Variants in CNTN4 observed in about 807,000 individuals in gnomAD.
CNTN4 encodes contactin-4.
CNTN4 carries 77 observed loss-of-function variants against 122.5 expected under a neutral mutation model. The ratio of observed to expected loss-of-function variants is 0.63; its 90% CI spans 0.52 to 0.76. CNTN4 has a LOEUF of 0.76. CNTN4 is among the 30% of genes least tolerant of loss of function. The pLI is 0.00. For synonymous variants in CNTN4, 512 were observed against 447.0 expected, an observed-to-expected ratio of 1.15 and a Z score of -1.83; for missense variants, 1,256 against 1,259.1, an observed-to-expected ratio of 1.00 and a Z score of 0.04.
intron 2 of CNTN4, among the ~76,000 whole-genome samples, chr3:2,256,002 G>T (rs955436049): frequency 3.9e-5 from 6 of 152,202 alleles, no homozygotes; most frequent in African/African-American, 1.4e-4. Context: ...GAATCCAGGA[G>T]CTGGTTTTTT....
intron 2 of CNTN4, among the ~76,000 whole-genome samples, chr3:2,281,865 G>A (rs533154250): frequency 1.1e-3 from 171 of 152,128 alleles, no homozygotes; most frequent in East Asian, 1.5e-3. Context: ...TAGAAGTTTG[G>A]TATTCGTGAC....
chr3:2,453,040 AT>A (rs1279008865), intron 3 of CNTN4, among the ~76,000 whole-genome samples: 1 of 152,178 alleles, frequency 6.6e-6, no homozygotes, highest in African/African-American at 2.4e-5. Context: ...TCTGAGTGAA[AT>A]AAAATGATAT....
At chr3:2,973,125 C>T (rs751129601) in intron 13 of CNTN4, among the ~76,000 whole-genome samples, 5 of 152,006 alleles carry the variant, frequency 3.3e-5, no homozygotes, top group Admixed American at 6.6e-5. Context: ...AAAGGCTCTT[C>T]GTTGAAATGA....
intron 4 of CNTN4, among the ~76,000 whole-genome samples, chr3:2,678,999 T>C (rs1468211273): frequency 6.6e-6 from 1 of 152,192 alleles, no homozygotes; most frequent in Non-Finnish European, 1.5e-5. Context: ...TCTGTTGAAA[T>C]GCCCCCTATA....
chr3:2,345,808 G>GAT (rs780320483), intron 3 of CNTN4, among the ~76,000 whole-genome samples: 6 of 152,306 alleles, frequency 3.9e-5, no homozygotes, highest in Admixed American at 2.0e-4. Flanking sequence ...ATAGGCTACT[G>GAT]ATGATGAGTG....
At chr3:2,563,426 TAAC>T in intron 3 of CNTN4, among the ~76,000 whole-genome samples, 1 of 152,322 alleles carries the variant, frequency 6.6e-6, no homozygotes, top group South Asian at 2.1e-4. Flanking sequence ...TTATATGAGT[TAAC>T]AAATAATACA....
At chr3:2,493,470 G>A (rs1437096695) in intron 3 of CNTN4, among the ~76,000 whole-genome samples, 2 of 150,272 alleles carry the variant, frequency 1.3e-5, no homozygotes, top group Admixed American at 1.3e-4. Flanking sequence ...TTACAGGGCT[G>A]GAGATGCAAA....
At chr3:2,208,342 T>C (rs2038456706) in intron 2 of CNTN4, among the ~76,000 whole-genome samples, 1 of 152,088 alleles carries the variant, frequency 6.6e-6, no homozygotes, top group Non-Finnish European at 1.5e-5. Flanking sequence ...AGTTAACTGC[T>C]AATGTGGTTG....
At chr3:2,439,536 T>A (rs1452966930) in intron 3 of CNTN4, among the ~76,000 whole-genome samples, 1 of 152,168 alleles carries the variant, frequency 6.6e-6, no homozygotes, top group Non-Finnish European at 1.5e-5. Context: ...GAGATAGCTA[T>A]AAGGAGATAT....
chr3:2,855,443 T>A (rs1037796190), intron 7 of CNTN4, among the ~76,000 whole-genome samples: 3 of 152,236 alleles, frequency 2.0e-5, no homozygotes, highest in Non-Finnish European at 4.4e-5. Context: ...TTCTAAAAAT[T>A]GTCAGAGGCA....
chr3:2,397,032 T>G (rs1301789276), intron 3 of CNTN4, among the ~76,000 whole-genome samples: 1 of 152,168 alleles, frequency 6.6e-6, no homozygotes, highest in Non-Finnish European at 1.5e-5. Flanking sequence ...AGGGTTTTGA[T>G]TGTTTTGAAG....
chr3:2,256,762 A>G (rs1471463079), intron 2 of CNTN4, among the ~76,000 whole-genome samples: 2 of 152,218 alleles, frequency 1.3e-5, no homozygotes, highest in African/African-American at 4.8e-5. Context: ...AAGGAGAACT[A>G]CAAACCACTG....
intron 3 of CNTN4, among the ~76,000 whole-genome samples, chr3:2,453,766 A>G (rs1485477369): frequency 6.6e-6 from 1 of 152,194 alleles, no homozygotes; most frequent in Non-Finnish European, 1.5e-5. Context: ...AAAGCAATAG[A>G]TATGTATAAC....
chr3:2,560,822 G>C (rs551992671), intron 3 of CNTN4, among the ~76,000 whole-genome samples: 1 of 152,110 alleles, frequency 6.6e-6, no homozygotes, highest in Admixed American at 6.6e-5. Context: ...CGTACTGCAC[G>C]TCAGTTACTA....
intron 2 of CNTN4, among the ~76,000 whole-genome samples, chr3:2,307,806 C>T (rs1439438120): frequency 1.3e-5 from 2 of 151,508 alleles, no homozygotes; most frequent in Non-Finnish European, 2.9e-5. Flanking sequence ...CTGTTGTGGT[C>T]ATAATTCTTT....
At chr3:2,964,874 C>T (rs1174961455) in intron 13 of CNTN4, among the ~76,000 whole-genome samples, 2 of 152,058 alleles carry the variant, frequency 1.3e-5, no homozygotes, top group Non-Finnish European at 2.9e-5. Flanking sequence ...CAGTTGTTTC[C>T]CCTTCACATC....
intron 2 of CNTN4, among the ~76,000 whole-genome samples, chr3:2,148,617 C>G (rs1209146107): frequency 6.6e-6 from 1 of 152,130 alleles, no homozygotes; most frequent in Middle Eastern, 3.4e-3. Context: ...TACACTGTTT[C>G]TTGGGCAGTG....
intron 3 of CNTN4, among the ~76,000 whole-genome samples, chr3:2,514,939 T>C (rs1413315320): frequency 1.3e-5 from 2 of 151,436 alleles, no homozygotes; most frequent in Non-Finnish European, 2.9e-5. Flanking sequence ...TGCTACCCCC[T>C]CCCTCTCTCT....
intron 2 of CNTN4, among the ~76,000 whole-genome samples, chr3:2,225,492 A>G (rs1468236546): frequency 1.3e-5 from 2 of 152,144 alleles, no homozygotes; most frequent in Non-Finnish European, 2.9e-5. Flanking sequence ...CGGCCTGGAC[A>G]ACAGAGCTGA....
Sources: allele counts gnomAD v4.1 joint callset (sites outside exome capture counted in the v4.1 genomes callset), GRCh38; gene constraint gnomAD v4.1.1; transcripts MANE v1.5; gene names NCBI Gene and HGNC (gene_info 2026-07-23, HGNC 2026-07-21).